RBM26: variants seen among roughly 807,000 people sequenced by gnomAD.
The protein encoded by RBM26 is RNA binding motif protein 26.
Under a neutral mutation model 123.6 loss-of-function variants are expected in RBM26, and 30 were observed. That is an observed-to-expected ratio of 0.24 (90% CI 0.18 to 0.33). The LOEUF is 0.33. RBM26 is among the 10% of genes least tolerant of loss of function. The pLI, the probability that RBM26 is intolerant of heterozygous loss-of-function variation, is 1.00. For synonymous variants in RBM26, 400 were observed against 404.4 expected (o/e 0.99, Z 0.13); for missense variants, 947 against 1,203.6 (o/e 0.79, Z 3.15).
downstream of RBM26, among the ~76,000 whole-genome samples, chr13:79,317,633 T>C (rs1434709732): frequency 2.0e-5 from 3 of 151,766 alleles, no homozygotes; most frequent in African/African-American, 7.2e-5. Context: ...ACCAAAAGTG[T>C]ATTTTACCTC....
rs10635224 is a variant in RBM26, at chr13:79,372,794, T to TTATATGATATATATTATATATATTATA, written c.328-865_328-864insTATAATATATATAATATATATCATATA. On this transcript the variant is annotated intron_variant, in intron 3 of 21. Coordinates refer to ENST00000438737, the MANE Select transcript of RBM26 (RefSeq NM_001366735.2). ...ATTATATATAATTATATGATATATA[T>TTATATGATATATATTATATATATTATA]TATAATTATATGATATATATTTATA... is the stretch of plus-strand genomic sequence containing the variant. 2.2e-4 allele frequency among the ~76,000 whole-genome samples: 14 copies of TTATATGATATATATTATATATATTATA among 64,952 alleles called. 2 individuals carry two copies. The highest frequency in any genetic ancestry group is 1.4e-3 in the African/African-American group (14 of 9,976). 42.6% of individuals were successfully genotyped at this position (64,952 alleles called of 152,430 possible).
chr13:79,389,515 A>C (rs2077759536), intron 1 of RBM26: 1 of 152,252 alleles, frequency 6.6e-6, no homozygotes, highest in Non-Finnish European at 1.5e-5. Flanking sequence ...AATGACAAAT[A>C]AGAACAGAAT....
intron 5 of RBM26, among the ~76,000 whole-genome samples, chr13:79,370,733 G>A (rs1368094396): frequency 2.0e-5 from 3 of 152,068 alleles, no homozygotes; most frequent in Admixed American, 6.5e-5. Flanking sequence ...CTGTATCATC[G>A]TGGCTATCCT....
In RBM26 at chr13:79,319,436, G is replaced by T. The variant is rs2067446146; in HGVS notation, c.*1185C>A. On this transcript the variant is annotated 3_prime_UTR_variant, in exon 22 of 22. Coordinates refer to ENST00000438737, the MANE Select transcript of RBM26 (RefSeq NM_001366735.2). The stretch of plus-strand genomic sequence containing the variant: ...TCAATGATCATGTTCACTTGCAAAA[G>T]AAATCCACTTAAAAAAATCACAGTA... 1 of 984,160 alleles carries T rather than the reference G, an allele frequency of 1.0e-6. No individual in the cohort carries two copies. The highest frequency in any genetic ancestry group is 1.2e-6 in the Non-Finnish European group (1 of 829,166). 61.0% of individuals were successfully genotyped at this position (984,160 alleles called of 1,614,324 possible).
chr13:79,371,228 A>G (rs2075840105), intron 4 of RBM26, 66 bp from the exon 5 acceptor site: 3 of 1,297,828 alleles, frequency 2.3e-6, no homozygotes, highest in Middle Eastern at 2.4e-4. Flanking sequence ...AGCTAATTAA[A>G]TGCAAAAGTT....
At position 79,334,402 on chromosome 13, in the gene RBM26, A is replaced by G; in HGVS notation, c.2762T>C (p.Ile921Thr). ...AQYGEIEDCQ[I>T]DDSSLHAVIT... ...TACTGCATGAAGTGAGGAATCATCA[A>G]TCTGACAATCTTCAATTTCACCATA... is the stretch of plus-strand genomic sequence containing the variant. The change falls in exon 20 of 22, where the codon ATT becomes ACT. Residue 921 changes from isoleucine to threonine, a missense_variant. Around this residue, in one of 5 missense-constraint regions of RBM26, gnomAD observed 164 missense variants for 215.3 expected, o/e 0.76. Coordinates refer to ENST00000438737, the MANE Select transcript of RBM26 (RefSeq NM_001366735.2). 1 of 1,570,360 alleles carries G rather than the reference A, an allele frequency of 6.4e-7. No homozygotes were observed. Among genetic ancestry groups the G allele is most frequent in the African/African-American group, 1.4e-5 (1 of 73,174 alleles).
At chr13:79,365,991 C>T (rs1234646369) in intron 8 of RBM26, 64 bp downstream of exon 8, 7 of 1,486,542 alleles carry the variant, frequency 4.7e-6, no homozygotes, top group Non-Finnish European at 6.5e-6. Context: ...TCTCTCTAGA[C>T]ATTTTAAAAT....
Position 79,337,152 on chromosome 13 carries a change from T to A in RBM26, c.2683A>T (p.Ile895Phe). 3 of 1,613,970 alleles carry A rather than the reference T, an allele frequency of 1.9e-6. No homozygotes were observed. Among genetic ancestry groups the A allele is most frequent in the Non-Finnish European group, 2.5e-6 (3 of 1,179,996 alleles). The change falls in exon 19 of 22, where the codon ATT becomes TTT. Residue 895 changes from isoleucine (I) to phenylalanine (F), a missense_variant. By Grantham distance (21) the Ile-to-Phe change is conservative. This residue lies in a region of RBM26 where 164 missense variants were observed against 215.3 expected (regional missense o/e 0.76). Coordinates refer to ENST00000438737, the MANE Select transcript of RBM26 (RefSeq NM_001366735.2). ...CTATCGCTCTCCGTAAATGCAGAAA[T>A]CTCCAATGCCCTGGGACGGTGATCC... ...VVDHRPRALE[I>F]SAFTESDRED...
chr13:79,346,479 A>T (rs1335925973), intron 14 of RBM26, among the ~76,000 whole-genome samples: 2 of 152,056 alleles, frequency 1.3e-5, no homozygotes, highest in Admixed American at 1.3e-4. Flanking sequence ...TCATGGGCTC[A>T]AGTGATCCTC....
intron 16 of RBM26, among the ~76,000 whole-genome samples, chr13:79,343,877 T>C (rs185465421): frequency 6.6e-6 from 1 of 152,032 alleles, no homozygotes. Flanking sequence ...GATGTGGCTA[T>C]AGACAGTCAC....
intron 20 of RBM26, among the ~76,000 whole-genome samples, chr13:79,327,815 C>G (rs1003553427): frequency 2.0e-5 from 3 of 151,968 alleles, no homozygotes; most frequent in Admixed American, 6.6e-5. Flanking sequence ...TGAAAAATTA[C>G]CTAATGGGTA....
At chr13:79,346,468 C>G (rs556952854) in intron 14 of RBM26, among the ~76,000 whole-genome samples, 1 of 152,112 alleles carries the variant, frequency 6.6e-6, no homozygotes, top group South Asian at 2.1e-4. Context: ...AAACTTCCAC[C>G]TCATGGGCTC....
chr13:79,318,135 C>G (rs557621604), downstream of RBM26, among the ~76,000 whole-genome samples: 9 of 151,250 alleles, frequency 6.0e-5, no homozygotes, highest in Non-Finnish European at 1.2e-4. Flanking sequence ...GGCGAATGAC[C>G]AAGTAGTCTG....
rs899752854 is a variant in RBM26, at chr13:79,322,496, T to C, written c.2821-34A>G. 7 of 1,419,214 alleles carry C rather than the reference T, an allele frequency of 4.9e-6. No individual in the cohort carries two copies. In the African/African-American group the frequency reaches 9.1e-5, roughly 18 times the overall value. The allele number at this position is 1,419,214 out of a possible 1,614,324, so 87.9% of individuals were successfully genotyped here. On this transcript the variant is annotated intron_variant, in intron 20 of 21. Coordinates refer to ENST00000438737, the MANE Select transcript of RBM26 (RefSeq NM_001366735.2). Reference sequence around the variant, plus strand: ...ATTAAAAATATTGGAATATAAGACATTAAAAATTTCTGAAGAAAAAAATAA... The same window carrying C: ...ATTAAAAATATTGGAATATAAGACACTAAAAATTTCTGAAGAAAAAAATAA...
At chr13:79,368,069 G>A (rs759298194) in intron 6 of RBM26, among the ~76,000 whole-genome samples, 8 of 146,488 alleles carry the variant, frequency 5.5e-5, no homozygotes, top group East Asian at 2.0e-4. Flanking sequence ...TCTGTCACCC[G>A]GGCTAGAGTG....
chr13:79,369,102 T>G, intron 5 of RBM26, 112 bp from the exon 6 acceptor site: 1 of 598,586 alleles, frequency 1.7e-6, no homozygotes, highest in Admixed American at 3.8e-5. Context: ...TTTTAAATTT[T>G]GCATAATAAT....
chr13:79,346,405 G>T (rs1428504101), intron 14 of RBM26, among the ~76,000 whole-genome samples: 1 of 152,030 alleles, frequency 6.6e-6, no homozygotes, highest in Non-Finnish European at 1.5e-5. Flanking sequence ...GTGAGACAGG[G>T]TCTCACTTTG....
At chr13:79,330,098 A>G (rs1260274500) in intron 20 of RBM26, among the ~76,000 whole-genome samples, 1 of 152,238 alleles carries the variant, frequency 6.6e-6, no homozygotes, top group Non-Finnish European at 1.5e-5. Context: ...TGATGTGCAT[A>G]TGTGAATACA....
At chr13:79,342,193 A>T (rs912404926) in intron 17 of RBM26, among the ~76,000 whole-genome samples, 1 of 151,842 alleles carries the variant, frequency 6.6e-6, no homozygotes, top group African/African-American at 2.4e-5. Flanking sequence ...ATACAGACAC[A>T]CCAAGTATAA....
Sources: gnomAD v4.1 joint callset for allele counts (sites outside exome capture counted in the v4.1 genomes callset) on GRCh38, gnomAD v4.1.1 for gene constraint, gnomAD v4.1.1 regional missense constraint, MANE v1.5 for transcripts, NCBI Gene and HGNC (gene_info 2026-07-23, HGNC 2026-07-21) for gene names.